Variants in SLC13A1 observed in about 807,000 individuals in gnomAD.
SLC13A1 encodes solute carrier family 13 member 1.
A neutral mutation model predicts 70.0 loss-of-function variants in SLC13A1; 65 were observed. That is an observed-to-expected ratio of 0.93 (90% CI 0.76 to 1.14). SLC13A1 has a LOEUF of 1.14. Ranked by LOEUF, SLC13A1 falls within the 50% of genes most tolerant of loss-of-function variation. SLC13A1 has a pLI of 0.00. For missense variants in SLC13A1, 726 were observed against 717.8 expected (o/e 1.01, Z -0.13); for synonymous variants, 275 against 250.5 (o/e 1.10, Z -0.92).
intron 7 of SLC13A1, among the ~76,000 whole-genome samples, chr7:123,144,942 G>A (rs1313436949): frequency 6.6e-6 from 1 of 152,176 alleles, no homozygotes; most frequent in Non-Finnish European, 1.5e-5. Flanking sequence ...TGCTACTATA[G>A]ATACTATAAT....
At chr7:123,122,376 T>C (rs1193916276) in intron 12 of SLC13A1, among the ~76,000 whole-genome samples, 1 of 152,150 alleles carries the variant, frequency 6.6e-6, no homozygotes, top group Non-Finnish European at 1.5e-5. Flanking sequence ...CAAATAAGTC[T>C]ATGAAAACCA....
chr7:123,122,400 T>C (rs1485671890), intron 12 of SLC13A1, among the ~76,000 whole-genome samples: 1 of 152,130 alleles, frequency 6.6e-6, no homozygotes, highest in African/African-American at 2.4e-5. Context: ...TGAGTGGTTT[T>C]AATTAATCTA....
chr7:123,162,195 A>G (rs1794937118), intron 6 of SLC13A1, among the ~76,000 whole-genome samples: 1 of 152,180 alleles, frequency 6.6e-6, no homozygotes, highest in Non-Finnish European at 1.5e-5. Flanking sequence ...TATTTGCTAG[A>G]TAATATTTCA....
At chr7:123,156,756 C>G (rs1362718531) in intron 6 of SLC13A1, among the ~76,000 whole-genome samples, 1 of 152,020 alleles carries the variant, frequency 6.6e-6, no homozygotes, top group Non-Finnish European at 1.5e-5. Context: ...TTTTTCTTCT[C>G]CATGCCTTCT....
Position 123,147,285 on chromosome 7 carries a change from C to T in SLC13A1, c.686G>A (p.Arg229Gln), listed in dbSNP as rs527709610. 3.1e-5 allele frequency: 50 copies of T among 1,613,320 alleles called. 1 individual carries two copies. The highest frequency in any genetic ancestry group is 5.3e-5 in the African/African-American group (4 of 74,886). ...EKNSGMRTKY[R>Q]TKKGHVTRKL... is the part of the protein sequence containing the mutation. ...ACGTGTCACGTGGCCCTTCTTTGTT[C>T]GATATTTGGTTCTCATGCCTGAGTT... The change falls in exon 7 of 15, where the codon CGA becomes CAA. Residue 229 changes from arginine to glutamine, a missense_variant. Physicochemically the swap from Arg to Gln is conservative, Grantham distance 43. Transcript: ENST00000194130.
At position 123,134,458 on chromosome 7, in the gene SLC13A1, A is replaced by C. The variant is rs1369630874; in HGVS notation, c.884T>G (p.Ile295Ser). The C allele has an allele frequency of 6.2e-7, 1 of 1,613,460 alleles. No individual in the cohort carries two copies. ...FTFSFPAALIILLLSWIWLQW... is the reference protein window; with the variant it reads ...FTFSFPAALISLLLSWIWLQW... ...AAGCCAGATCCAGGATAAGAGTAGA[A>C]TGATAAGGGCAGCTGGGAAGGAAAA... Residue 295 changes from isoleucine (I) to serine (S), a missense_variant, in exon 8 of 15, where the codon ATT (isoleucine) becomes AGT (serine). Coordinates refer to ENST00000194130, the MANE Select transcript of SLC13A1 (RefSeq NM_022444.4).
intron 1 of SLC13A1, among the ~76,000 whole-genome samples, chr7:123,185,219 A>G (rs1355172162): frequency 2.0e-5 from 3 of 152,100 alleles, no homozygotes; most frequent in South Asian, 2.1e-4. Context: ...CAAATATTTT[A>G]TCCTATTCTA....
chr7:123,139,543 G>A (rs895084682), intron 7 of SLC13A1, among the ~76,000 whole-genome samples: 1 of 151,764 alleles, frequency 6.6e-6, no homozygotes, highest in Non-Finnish European at 1.5e-5. Context: ...TCTTATCCAT[G>A]AACATGAAAT....
At chr7:123,151,380 GTGTGTGTA>G (rs1794549686) in intron 6 of SLC13A1, among the ~76,000 whole-genome samples, 1 of 134,232 alleles carries the variant, frequency 7.4e-6, no homozygotes, top group African/African-American at 3.1e-5. Flanking sequence ...GTGTGTGTGT[GTGTGTGTA>G]TATATATATA....
chr7:123,178,115 ATAT>A (rs1160404759), intron 2 of SLC13A1, among the ~76,000 whole-genome samples: 1 of 151,906 alleles, frequency 6.6e-6, no homozygotes, highest in Non-Finnish European at 1.5e-5. Context: ...TTCGATGATA[ATAT>A]TAATGCTTGT....
chr7:123,158,033 A>T (rs974220555), intron 6 of SLC13A1, among the ~76,000 whole-genome samples: 12 of 152,134 alleles, frequency 7.9e-5, no homozygotes, highest in African/African-American at 2.9e-4. Flanking sequence ...AATATAATTG[A>T]AAACTCTTAC....
At chr7:123,170,244 G>A (rs1795224407) in intron 3 of SLC13A1, among the ~76,000 whole-genome samples, 1 of 152,072 alleles carries the variant, frequency 6.6e-6, no homozygotes, top group South Asian at 2.1e-4. Flanking sequence ...GTAAGTTTCA[G>A]ACTCAGATAA....
chr7:123,196,048 G>A (rs1450555034), intron 1 of SLC13A1, among the ~76,000 whole-genome samples: 2 of 151,972 alleles, frequency 1.3e-5, no homozygotes, highest in African/African-American at 4.8e-5. Flanking sequence ...GCTGAAAAGA[G>A]TAAAAATTAA....
chr7:123,182,364 T>C (rs942314536), intron 1 of SLC13A1, among the ~76,000 whole-genome samples: 18 of 152,128 alleles, frequency 1.2e-4, no homozygotes, highest in Non-Finnish European at 2.2e-4. Context: ...AGAACCTAGG[T>C]TGCAGAGATA....
At chr7:123,169,100 A>G (rs1481587453) in intron 4 of SLC13A1, 48 bp downstream of exon 4, 1 of 1,548,714 alleles carries the variant, frequency 6.5e-7, no homozygotes, top group East Asian at 2.2e-5. Flanking sequence ...GTTTATGTCT[A>G]TTGCTCTAAT....
intron 12 of SLC13A1, among the ~76,000 whole-genome samples, chr7:123,122,595 T>A (rs1281468031): frequency 6.6e-6 from 1 of 152,162 alleles, no homozygotes; most frequent in Non-Finnish European, 1.5e-5. Flanking sequence ...AGATTAGACA[T>A]AATATAATGT....
At chr7:123,140,388 T>C (rs536298036) in intron 7 of SLC13A1, among the ~76,000 whole-genome samples, 11 of 152,220 alleles carry the variant, frequency 7.2e-5, no homozygotes, top group African/African-American at 2.6e-4. Context: ...TATTTCTCTG[T>C]AGTTTCCTTT....
intron 6 of SLC13A1, among the ~76,000 whole-genome samples, chr7:123,167,606 T>C (rs1795118189): frequency 6.6e-6 from 1 of 152,162 alleles, no homozygotes; most frequent in African/African-American, 2.4e-5. Flanking sequence ...TTGAGATATA[T>C]TGCTCCCAGT....
chr7:123,160,338 A>AT (rs1184528339), intron 6 of SLC13A1, among the ~76,000 whole-genome samples: 1 of 152,032 alleles, frequency 6.6e-6, no homozygotes, highest in Non-Finnish European at 1.5e-5. Flanking sequence ...GACCAAAAAA[A>AT]TTAAGATAGA....
Sources: allele counts gnomAD v4.1 joint callset (sites outside exome capture counted in the v4.1 genomes callset), GRCh38; gene constraint gnomAD v4.1.1; transcripts MANE v1.5; gene names NCBI Gene and HGNC (gene_info 2026-07-23, HGNC 2026-07-21).